The following KCND3 variants were observed in gnomAD, a reference collection of about 807,000 sequenced individuals.
The protein encoded by KCND3 is potassium voltage-gated channel subfamily D member 3.
KCND3 carries 9 observed loss-of-function variants against 51.1 expected under a neutral mutation model. The ratio of observed to expected loss-of-function variants is 0.18; its 90% CI spans 0.11 to 0.31. The LOEUF (loss-of-function observed/expected upper bound fraction) is 0.31, where lower values mean the gene tolerates loss of function less well. Ranked by LOEUF, KCND3 falls within the 10% of genes least tolerant of loss-of-function variation. The pLI, the probability that KCND3 is intolerant of heterozygous loss-of-function variation, is 1.00. For missense variants in KCND3, 526 were observed against 903.8 expected, an observed-to-expected ratio of 0.58 and a Z score of 5.36; for synonymous variants, 349 against 368.0, an observed-to-expected ratio of 0.95 and a Z score of 0.59.
Position 111,777,241 on chromosome 1 carries a change from C to T in KCND3, c.1551G>A (p.Glu517=). The part of the protein sequence containing the change: ...NHEFIDEQMF[E]QNCMESSMQN... The stretch of plus-strand genomic sequence containing the variant: ...GCATTGAACTCTCCATGCAGTTCTG[C>T]TCAAACATCTGCTCATCAATAAACT... The change falls in exon 7 of 8, where the codon GAG becomes GAA. Residue 517 remains glutamate (E), a synonymous_variant. Coordinates refer to ENST00000302127, the MANE Select transcript of KCND3 (RefSeq NM_001378969.1). The T allele has an allele frequency of 6.2e-7, 1 of 1,614,180 alleles. No homozygotes were observed. Among genetic ancestry groups the T allele is most frequent in the Non-Finnish European group, 8.5e-7 (1 of 1,180,038 alleles).
chr1:111,901,294 T>C (rs1376444266), intron 2 of KCND3, among the ~76,000 whole-genome samples: 4 of 152,258 alleles, frequency 2.6e-5, no homozygotes, highest in Non-Finnish European at 5.9e-5. Context: ...GCCCATCTTA[T>C]GTGCCCAGAA....
At chr1:111,784,011 A>G (rs187980310) in intron 3 of KCND3, among the ~76,000 whole-genome samples, 7 of 152,174 alleles carry the variant, frequency 4.6e-5, no homozygotes, top group Non-Finnish European at 1.5e-5. Context: ...GGGCTAGGGC[A>G]GAAGGTGGGG....
intron 2 of KCND3, among the ~76,000 whole-genome samples, chr1:111,965,412 T>C (rs1295295125): frequency 1.8e-5 from 2 of 113,034 alleles, no homozygotes; most frequent in African/African-American, 6.6e-5. Flanking sequence ...CCCTCCTCCC[T>C]CCCCGACCCC....
intron 2 of KCND3, among the ~76,000 whole-genome samples, chr1:111,804,126 C>T (rs113960043): frequency 2.0e-5 from 3 of 152,230 alleles, no homozygotes; most frequent in Non-Finnish European, 4.4e-5. Flanking sequence ...TTGGCATTGA[C>T]TCCTTTTCCG....
At chr1:111,949,449 G>A (rs1031335189) in intron 2 of KCND3, among the ~76,000 whole-genome samples, 1 of 152,186 alleles carries the variant, frequency 6.6e-6, no homozygotes, top group South Asian at 2.1e-4. Flanking sequence ...AGCCAGAGAA[G>A]AGCCCTGCAG....
chr1:111,876,654 T>C (rs1211989802), intron 2 of KCND3, among the ~76,000 whole-genome samples: 1 of 152,212 alleles, frequency 6.6e-6, no homozygotes, highest in Non-Finnish European at 1.5e-5. Flanking sequence ...AAAGTGACTT[T>C]TGAATTAGTT....
chr1:111,914,916 A>G (rs937171363), intron 2 of KCND3, among the ~76,000 whole-genome samples: 8 of 152,352 alleles, frequency 5.3e-5, no homozygotes, highest in Admixed American at 2.6e-4. Flanking sequence ...TTAACTGTTT[A>G]GAACAAAAAT....
intron 2 of KCND3, among the ~76,000 whole-genome samples, chr1:111,935,843 C>T (rs1293049539): frequency 6.6e-6 from 1 of 152,224 alleles, no homozygotes; most frequent in South Asian, 2.1e-4. Context: ...GAATCCCGAC[C>T]TCATTCCAAC....
At chr1:111,886,116 T>C (rs552615208) in intron 2 of KCND3, among the ~76,000 whole-genome samples, 2 of 152,366 alleles carry the variant, frequency 1.3e-5, no homozygotes, top group East Asian at 3.9e-4. Context: ...AAAAAGTTAA[T>C]TTGGCAATGA....
At chr1:111,824,410 C>T (rs1479474455) in intron 2 of KCND3, among the ~76,000 whole-genome samples, 2 of 152,162 alleles carry the variant, frequency 1.3e-5, no homozygotes, top group African/African-American at 4.8e-5. Flanking sequence ...TCTTCTTCTG[C>T]CCTGGTGATT....
chr1:111,904,760 G>A (rs1244630042), intron 2 of KCND3, among the ~76,000 whole-genome samples: 2 of 152,216 alleles, frequency 1.3e-5, no homozygotes, highest in Non-Finnish European at 2.9e-5. Flanking sequence ...CCGCCGATTG[G>A]CTCTGATAGA....
chr1:111,956,287 G>T (rs1673335708), intron 2 of KCND3, among the ~76,000 whole-genome samples: 1 of 152,122 alleles, frequency 6.6e-6, no homozygotes, highest in Non-Finnish European at 1.5e-5. Flanking sequence ...ACCACTGCAT[G>T]TTGGATGACT....
intron 2 of KCND3, among the ~76,000 whole-genome samples, chr1:111,893,877 T>G (rs923410044): frequency 6.6e-6 from 1 of 152,238 alleles, no homozygotes; most frequent in African/African-American, 2.4e-5. Flanking sequence ...CTGGACACAG[T>G]AGGTTTGAGT....
At chr1:111,846,375 C>T (rs189038970) in intron 2 of KCND3, among the ~76,000 whole-genome samples, 114 of 152,240 alleles carry the variant, frequency 7.5e-4, no homozygotes, top group African/African-American at 2.7e-3. Flanking sequence ...TTACTTTCCC[C>T]GGGTTATGTA....
At chr1:111,970,715 G>A (rs1674282053) in intron 2 of KCND3, among the ~76,000 whole-genome samples, 1 of 152,162 alleles carries the variant, frequency 6.6e-6, no homozygotes, top group African/African-American at 2.4e-5. Flanking sequence ...CTACCATGTG[G>A]GAGCTTGGGC....
chr1:111,917,685 C>T (rs370787107), intron 2 of KCND3, among the ~76,000 whole-genome samples: 5 of 152,090 alleles, frequency 3.3e-5, no homozygotes, highest in South Asian at 2.1e-4. Flanking sequence ...CTTTAATGAC[C>T]GTGGGAAGGG....
chr1:111,975,359 C>A (rs1449436476), intron 2 of KCND3, among the ~76,000 whole-genome samples: 1 of 152,142 alleles, frequency 6.6e-6, no homozygotes, highest in South Asian at 2.1e-4. Context: ...AGAAGATCTT[C>A]AGGACTGTGT....
chr1:111,946,578 C>T (rs1228760383), intron 2 of KCND3, among the ~76,000 whole-genome samples: 1 of 152,204 alleles, frequency 6.6e-6, no homozygotes, highest in South Asian at 2.1e-4. Flanking sequence ...TCTCCAGACC[C>T]CCCTGGCTTA....
intron 2 of KCND3, among the ~76,000 whole-genome samples, chr1:111,937,318 C>T (rs1672269919): frequency 1.3e-5 from 2 of 152,090 alleles, no homozygotes; most frequent in African/African-American, 4.8e-5. Flanking sequence ...TCTCTGGCCA[C>T]CCCAGGCAAC....
Sources: gnomAD v4.1 joint callset for allele counts (sites outside exome capture counted in the v4.1 genomes callset) on GRCh38, gnomAD v4.1.1 for gene constraint, MANE v1.5 for transcripts, NCBI Gene and HGNC (gene_info 2026-07-23, HGNC 2026-07-21) for gene names.